The following BRD3 variants were observed in gnomAD, a reference collection of about 807,000 sequenced individuals.
The protein encoded by BRD3 is bromodomain-containing protein 3.
A neutral mutation model predicts 66.8 loss-of-function variants in BRD3; 17 were observed. The observed-to-expected ratio is 0.25, with a 90% CI of 0.17 to 0.38. The LOEUF is 0.38. BRD3 is among the 10% of genes least tolerant of loss of function. The pLI is 1.00. For missense variants in BRD3, 713 were observed against 956.1 expected (o/e 0.75, Z 3.35); for synonymous variants, 421 against 393.2 (o/e 1.07, Z -0.84).
intron 1 of BRD3, among the ~76,000 whole-genome samples, chr9:134,066,630 A>G (rs1336043539): frequency 6.6e-6 from 1 of 152,144 alleles, no homozygotes; most frequent in African/African-American, 2.4e-5. Context: ...GCAGGGTAAA[A>G]AGAAAACTCT....
Position 134,032,855 on chromosome 9 carries a change from T to A in BRD3, c.*735A>T, listed in dbSNP as rs79355497. On this transcript the variant is annotated 3_prime_UTR_variant, in exon 12 of 12. Coordinates refer to ENST00000303407, the MANE Select transcript of BRD3 (RefSeq NM_007371.4). ...AAAAAGTCTCCTTTTTTTTTTTTTT[T>A]AAATCTTTTCTTCTTTTTTTTTTTT... 27 of 125,322 alleles carry A rather than the reference T, an allele frequency of 2.2e-4. No individual in the cohort carries two copies. The highest frequency in any genetic ancestry group is 1.5e-3 in the Admixed American group (13 of 8,702). 7.8% of individuals were successfully genotyped at this position (125,322 alleles called of 1,614,324 possible).
chr9:134,050,479 G>C lies in BRD3; in HGVS notation c.609C>G (p.Thr203=), dbSNP rs1830267794. The part of the protein sequence containing the change: ...TPVIAATPVP[T]ITANVTSVPV... The stretch of plus-strand genomic sequence containing the variant: ...GGACCGACGTGACGTTTGCAGTGAT[G>C]GTTGGTACAGGGGTGGCAGCGATGA... The change falls in exon 5 of 12, where the codon ACC becomes ACG. Residue 203 remains threonine, a synonymous_variant. Coordinates refer to ENST00000303407, the MANE Select transcript of BRD3 (RefSeq NM_007371.4). The C allele has an allele frequency of 6.2e-7, 1 of 1,611,890 alleles. No homozygotes were observed.
chr9:134,034,645 C>T, intron 11 of BRD3, 56 bp downstream of exon 11: 2 of 1,594,642 alleles, frequency 1.3e-6, no homozygotes, highest in Non-Finnish European at 1.7e-6. Flanking sequence ...CAAACCCCTA[C>T]TGCTGACACC....
chr9:134,036,362 C>A, intron 9 of BRD3, 38 bp from the exon 10 acceptor site: 2 of 1,570,366 alleles, frequency 1.3e-6, no homozygotes, highest in Non-Finnish European at 1.7e-6. Context: ...GTTGAGTCTC[C>A]GTCTACCTGC....
At position 134,040,186 on chromosome 9, in the gene BRD3, C is replaced by T. The variant is rs1333285092; in HGVS notation, c.1491G>A (p.Lys497=). ...KPKKKKEKKE[K]EKKKKDKEKE... is the part of the protein sequence containing the mutation. ...TCTCCTTGTCCTTCTTCTTCTTCTC[C>T]TTCTCCTTCTTCTCCTTCTTCTTCT... The change falls in exon 9 of 12, where the codon AAG becomes AAA. Residue 497 remains lysine (K), a synonymous_variant. Transcript: ENST00000303407. 2 of 1,566,004 alleles carry T rather than the reference C, an allele frequency of 1.3e-6. No individual in the cohort carries two copies. The highest frequency in any genetic ancestry group is 2.7e-5 in the African/African-American group (2 of 73,776).
chr9:134,061,583 C>T (rs1830545014), intron 1 of BRD3, among the ~76,000 whole-genome samples: 2 of 152,244 alleles, frequency 1.3e-5, no homozygotes, highest in African/African-American at 4.8e-5. Flanking sequence ...CCTGGAATTT[C>T]CATAGCTCTG....
At chr9:134,054,266 C>G (rs528980264) in intron 1 of BRD3, 3 of 152,222 alleles carry the variant, frequency 2.0e-5, no homozygotes, top group Non-Finnish European at 2.9e-5. Context: ...CCTCCACACC[C>G]CAGCTGACCA....
At position 134,031,691 on chromosome 9, in the gene BRD3, G is replaced by C. The variant is rs1203191955; in HGVS notation, c.*1899C>G. 4.7e-6 allele frequency: 1 copy of C among 213,736 alleles called. No individual in the cohort carries two copies. The highest frequency in any genetic ancestry group is 9.5e-6 in the Non-Finnish European group (1 of 105,720). 13.2% of individuals were successfully genotyped at this position (213,736 alleles called of 1,614,324 possible). On this transcript the variant is annotated 3_prime_UTR_variant, in exon 12 of 12. Transcript: ENST00000303407. ...CTCCAGTAAGGGTATACCTACATCT[G>C]TAAGGGTCAGTGGACTCTGAATCAA...
At chr9:134,055,521 C>T (rs1359119619) in intron 1 of BRD3, among the ~76,000 whole-genome samples, 1 of 152,228 alleles carries the variant, frequency 6.6e-6, no homozygotes, top group Non-Finnish European at 1.5e-5. Context: ...ACGGCCTGGT[C>T]CTTCCACTTC....
intron 1 of BRD3, among the ~76,000 whole-genome samples, chr9:134,064,372 T>TA (rs1448258670): frequency 5.6e-5 from 7 of 125,342 alleles, no homozygotes; most frequent in African/African-American, 6.1e-5. Context: ...TACTAAAAAA[T>TA]TAAAAAAAAT....
At chr9:134,039,559 C>G (rs899823757) in intron 9 of BRD3, among the ~76,000 whole-genome samples, 1 of 152,220 alleles carries the variant, frequency 6.6e-6, no homozygotes, top group Non-Finnish European at 1.5e-5. Flanking sequence ...TGAGCTCCTT[C>G]CCTACTAGCT....
chr9:134,065,428 G>C (rs1218605556), intron 1 of BRD3, among the ~76,000 whole-genome samples: 2 of 113,138 alleles, frequency 1.8e-5, no homozygotes, highest in Non-Finnish European at 3.6e-5. Flanking sequence ...CATCTCAAGA[G>C]GAGAAGAGAA....
Position 134,042,748 on chromosome 9 carries a change from CATAT to C in BRD3, c.1216-801_1216-798del, listed in dbSNP as rs201550344. Among the ~76,000 whole-genome samples the C allele has an allele frequency of 1.7e-3, 245 of 147,750 alleles. 1 individual carries two copies. Among genetic ancestry groups the C allele is most frequent in the African/African-American group, 5.9e-3 (235 of 40,044 alleles). The stretch of plus-strand genomic sequence containing the variant: ...ACATATATATACACACATATATACA[CATAT>C]ATACACATATATACACACACACATA... On this transcript the variant is annotated intron_variant, in intron 7 of 11. Transcript: ENST00000303407.
intron 7 of BRD3, among the ~76,000 whole-genome samples, chr9:134,042,710 TACACATATATACACATATATATAC>T (rs1232211812): frequency 2.3e-5 from 2 of 88,738 alleles, no homozygotes; most frequent in Non-Finnish European, 5.5e-5. Context: ...CACATATATA[TACACATATATACACATATATATAC>T]ACACATATAT....
chr9:134,042,988 C>T (rs962823745), intron 7 of BRD3, among the ~76,000 whole-genome samples: 13 of 152,116 alleles, frequency 8.5e-5, no homozygotes, highest in Admixed American at 6.5e-5. Context: ...CACAGGCATG[C>T]GCCACTACTC....
At chr9:134,041,068 T>C (rs1221257858) in intron 8 of BRD3, among the ~76,000 whole-genome samples, 2 of 152,196 alleles carry the variant, frequency 1.3e-5, no homozygotes, top group African/African-American at 2.4e-5. Flanking sequence ...CAAAATCAAA[T>C]GTCCAGCCCA....
At chr9:134,066,678 G>T (rs576827135) in intron 1 of BRD3, among the ~76,000 whole-genome samples, 1 of 152,222 alleles carries the variant, frequency 6.6e-6, no homozygotes, top group African/African-American at 2.4e-5. Flanking sequence ...TAGGGCGGGG[G>T]AGGACGGGAC....
At chr9:134,064,519 C>A (rs761893592) in intron 1 of BRD3, among the ~76,000 whole-genome samples, 1 of 151,998 alleles carries the variant, frequency 6.6e-6, no homozygotes, top group Non-Finnish European at 1.5e-5. Flanking sequence ...CCAGCCTGGG[C>A]AACAGAGTGA....
chr9:134,044,926 A>G (rs1329847181), intron 7 of BRD3, among the ~76,000 whole-genome samples: 3 of 152,216 alleles, frequency 2.0e-5, no homozygotes, highest in African/African-American at 7.2e-5. Flanking sequence ...CTAGTGTCCA[A>G]GCCTCTCCTT....
Sources: allele counts gnomAD v4.1 joint callset (sites outside exome capture counted in the v4.1 genomes callset), GRCh38; gene constraint gnomAD v4.1.1; transcripts MANE v1.5; gene names NCBI Gene and HGNC (gene_info 2026-07-23, HGNC 2026-07-21).